FOXN3: variants seen among roughly 807,000 people sequenced by gnomAD.
FOXN3 encodes forkhead box N3, also known as forkhead box protein N3.
Under a neutral mutation model 38.4 loss-of-function variants are expected in FOXN3, and 7 were observed. The ratio of observed to expected loss-of-function variants is 0.18; its 90% CI spans 0.10 to 0.34. The LOEUF (loss-of-function observed/expected upper bound fraction) is 0.34. Ranked by LOEUF, FOXN3 falls within the 10% of genes least tolerant of loss-of-function variation. The pLI is 1.00. For synonymous variants in FOXN3, 230 were observed against 242.2 expected (o/e 0.95, Z 0.47); for missense variants, 456 against 613.4 (o/e 0.74, Z 2.71).
chr14:89,443,580 G>C (rs1025077223), intron 1 of FOXN3, among the ~76,000 whole-genome samples: 1 of 152,204 alleles, frequency 6.6e-6, no homozygotes, highest in Non-Finnish European at 1.5e-5. Context: ...ATATTCTACC[G>C]TGTTCTTTAC....
chr14:89,251,791 T>A (rs1885463795), intron 4 of FOXN3, among the ~76,000 whole-genome samples: 4 of 152,226 alleles, frequency 2.6e-5, no homozygotes, highest in Non-Finnish European at 4.4e-5. Flanking sequence ...AACAAATAAC[T>A]TGGCATATTT....
At chr14:89,254,329 G>A (rs1885551993) in intron 4 of FOXN3, among the ~76,000 whole-genome samples, 1 of 152,162 alleles carries the variant, frequency 6.6e-6, no homozygotes, top group South Asian at 2.1e-4. Context: ...AGCCTGGAAC[G>A]TTTCCCCAAC....
At chr14:89,427,782 G>A (rs1284056438) in intron 1 of FOXN3, among the ~76,000 whole-genome samples, 1 of 151,774 alleles carries the variant, frequency 6.6e-6, no homozygotes, top group East Asian at 1.9e-4. Context: ...AAGGGACTCT[G>A]TTTTCTCTTC....
chr14:89,396,992 A>G (rs1051088401), intron 2 of FOXN3, among the ~76,000 whole-genome samples: 1 of 152,102 alleles, frequency 6.6e-6, no homozygotes, highest in African/African-American at 2.4e-5. Flanking sequence ...GGGCAGCAAG[A>G]ATCTCTGCTG....
intron 3 of FOXN3, among the ~76,000 whole-genome samples, chr14:89,343,180 A>G (rs894537647): frequency 5.9e-5 from 9 of 152,244 alleles, no homozygotes; most frequent in African/African-American, 2.2e-4. Flanking sequence ...TGAATAAGCT[A>G]TTCCTTGCTG....
At chr14:89,617,116 A>G (rs536886037) in intron 1 of FOXN3, among the ~76,000 whole-genome samples, 3 of 152,300 alleles carry the variant, frequency 2.0e-5, no homozygotes, top group Admixed American at 2.0e-4. Context: ...TTCCATAACA[A>G]CCATGTCTCC....
intron 3 of FOXN3, among the ~76,000 whole-genome samples, chr14:89,333,998 A>C (rs867955595): frequency 1.7e-5 from 1 of 58,716 alleles, no homozygotes; most frequent in African/African-American, 5.2e-5. Flanking sequence ...ATATATATAT[A>C]TATATATATA....
chr14:89,545,616 C>A (rs375456424), intron 1 of FOXN3, among the ~76,000 whole-genome samples: 18 of 152,278 alleles, frequency 1.2e-4, no homozygotes, highest in African/African-American at 4.3e-4. Context: ...TCCTCTGAAA[C>A]CATTATGATG....
intron 1 of FOXN3, among the ~76,000 whole-genome samples, chr14:89,444,031 C>T (rs10130500): frequency 0.045 from 3,095 of 68,336 alleles, 36 homozygotes; most frequent in African/African-American, 0.069. Flanking sequence ...AAAAAAAAAG[C>T]ATACTTGGAA....
In FOXN3 at chr14:89,224,691, G is replaced by T. The variant is rs560249003; in HGVS notation, c.746-43885C>A. On this transcript the variant is annotated intron_variant, in intron 4 of 5. Coordinates refer to ENST00000557258, the MANE Select transcript of FOXN3 (RefSeq NM_005197.4). ...AGAAAACGGGTGACAATCAACTAAG[G>T]AAGACAAAATGCTACAGAAATTCAA... Among the ~76,000 whole-genome samples the T allele has an allele frequency of 2.0e-5, 3 of 152,262 alleles. No homozygotes were observed. In the South Asian group the frequency reaches 6.2e-4, roughly 32 times the overall value.
Position 89,547,224 on chromosome 14 carries a change from G to GTTATTTAT in FOXN3, c.-15+71796_-15+71803dup, listed in dbSNP as rs142859577. Among the ~76,000 whole-genome samples the GTTATTTAT allele has an allele frequency of 4.8e-5, 7 of 144,754 alleles. No individual in the cohort carries two copies. In the East Asian group the frequency reaches 6.2e-4, roughly 13 times the overall value. The allele number at this position is 144,754 out of a possible 152,430, so 95.0% of individuals were successfully genotyped here. ...TCTATAACAGAATACCAGACACTAG[G>GTTATTTAT]TTATTTATTTATTTATTTATTTATT... is the stretch of plus-strand genomic sequence containing the variant. On this transcript the variant is annotated intron_variant, in intron 1 of 6. Coordinates refer to the FOXN3 transcript ENST00000345097.
rs774409009 is a variant in FOXN3 at position 89,412,212 on chromosome 14, C to T, written c.265G>A (p.Asp89Asn). ...SVLRSVSPVQDLDDDTPPSPA... is the reference protein window; with the variant it reads ...SVLRSVSPVQNLDDDTPPSPA... ...GATGGGGGGGTGTCATCGTCCAGGT[C>T]CTGGACGGGGCTGACACTCCTGAGG... Residue 89 changes from aspartate (D) to asparagine (N), a missense_variant, in exon 2 of 6, where the codon GAC (aspartate) becomes AAC (asparagine). Physicochemically the swap from Asp to Asn is conservative, Grantham distance 23 (BLOSUM62 1). Transcript: ENST00000557258. The surrounding 1 kb of genome is among the most constrained non-coding windows in gnomAD (Gnocchi z 4.7). The T allele has an allele frequency of 2.5e-6, 4 of 1,613,866 alleles. No homozygotes were observed. Among genetic ancestry groups the T allele is most frequent in the Non-Finnish European group, 3.4e-6 (4 of 1,180,000 alleles).
chr14:89,390,355 AATAAT>A (rs1004131482), intron 2 of FOXN3, among the ~76,000 whole-genome samples: 9 of 147,304 alleles, frequency 6.1e-5, no homozygotes, highest in African/African-American at 1.7e-4. Context: ...TATATGTATA[AATAAT>A]ATAATTTAAT....
At chr14:89,556,033 A>G (rs890277861) in intron 1 of FOXN3, among the ~76,000 whole-genome samples, 4 of 152,090 alleles carry the variant, frequency 2.6e-5, no homozygotes, top group African/African-American at 9.7e-5. Context: ...GCCAGTTTTC[A>G]TCATGTAACA....
chr14:89,162,127 T>A lies in FOXN3; in HGVS notation c.*287A>T. The A allele has an allele frequency of 3.9e-6, 1 of 259,302 alleles. No individual in the cohort carries two copies. The highest frequency in any genetic ancestry group is 7.2e-6 in the Non-Finnish European group (1 of 138,312). 16.1% of individuals were successfully genotyped at this position (259,302 alleles called of 1,614,324 possible). ...AAGCTGGAGGAAGCAATGGTAATTT[T>A]GGCTTTTTCGGTTTTGTCTTCAGAT... On this transcript the variant is annotated 3_prime_UTR_variant, in exon 6 of 6. Transcript: ENST00000557258. This position sits in a 1 kb window ranked among gnomAD's most constrained non-coding sequence, Gnocchi z 7.2.
intron 3 of FOXN3, among the ~76,000 whole-genome samples, chr14:89,313,275 T>G (rs1887618297): frequency 6.6e-6 from 1 of 152,168 alleles, no homozygotes; most frequent in South Asian, 2.1e-4. Flanking sequence ...CCATATGAAC[T>G]GACAAGACTG....
At chr14:89,267,156 T>C (rs1413116722) in intron 4 of FOXN3, among the ~76,000 whole-genome samples, 1 of 152,170 alleles carries the variant, frequency 6.6e-6, no homozygotes, top group Non-Finnish European at 1.5e-5. Context: ...ATAAAGGTAC[T>C]GTGAGCAGGT....
intron 3 of FOXN3, among the ~76,000 whole-genome samples, chr14:89,331,727 T>C (rs1299967911): frequency 6.6e-6 from 1 of 152,236 alleles, no homozygotes; most frequent in African/African-American, 2.4e-5. Context: ...CACACAAATA[T>C]ACCATACATA....
chr14:89,204,216 T>C lies in FOXN3; in HGVS notation c.746-23410A>G, dbSNP rs1888318636. Among the ~76,000 whole-genome samples the C allele has an allele frequency of 2.0e-5, 3 of 152,094 alleles. No homozygotes were observed. In the South Asian group the frequency reaches 6.2e-4, roughly 32 times the overall value. ...TGAAAGCACATTTCCCAGTGGAGACTTGGGATACTTATTCTGGCTTCGGTC... is the reference window on the plus strand; with the variant it reads ...TGAAAGCACATTTCCCAGTGGAGACCTGGGATACTTATTCTGGCTTCGGTC... On this transcript the variant is annotated intron_variant, in intron 4 of 5. Coordinates refer to ENST00000557258, the MANE Select transcript of FOXN3 (RefSeq NM_005197.4).
Sources: allele counts gnomAD v4.1 joint callset (sites outside exome capture counted in the v4.1 genomes callset), GRCh38; gene constraint gnomAD v4.1.1; non-coding constraint Gnocchi (gnomAD v3.1); transcripts MANE v1.5; gene names NCBI Gene and HGNC (gene_info 2026-07-23, HGNC 2026-07-21).